Variants in PDLIM1 observed in about 807,000 individuals in gnomAD.
PDLIM1 encodes PDZ and LIM domain protein 1.
In PDLIM1, 25 loss-of-function variants were observed where a neutral mutation model predicts 35.2. That is an observed-to-expected ratio of 0.71 (90% CI 0.52 to 0.99). The LOEUF (loss-of-function observed/expected upper bound fraction) is 0.99, where lower values mean the gene tolerates loss of function less well. Among genes scored for constraint, PDLIM1 ranks in the 50% least tolerant of loss-of-function variants. The probability of loss-of-function intolerance (pLI) is 0.00; values close to 1 mark genes in which losing one functional copy is unlikely to be tolerated. For synonymous variants in PDLIM1, 152 were observed against 154.0 expected, an observed-to-expected ratio of 0.99 and a Z score of 0.10; for missense variants, 363 against 415.3, an observed-to-expected ratio of 0.87 and a Z score of 1.09.
chr10:95,258,815 T>G (rs544607816), intron 4 of PDLIM1, among the ~76,000 whole-genome samples: 1 of 152,206 alleles, frequency 6.6e-6, no homozygotes, highest in Non-Finnish European at 1.5e-5. Context: ...AAATTTCATG[T>G]TTTTTAACAC....
intron 1 of PDLIM1, among the ~76,000 whole-genome samples, chr10:95,284,832 C>T (rs1015863151): frequency 6.6e-6 from 1 of 152,156 alleles, no homozygotes; most frequent in African/African-American, 2.4e-5. Flanking sequence ...ATGGCATTTA[C>T]CAAGGAGACA....
intron 4 of PDLIM1, among the ~76,000 whole-genome samples, chr10:95,257,768 C>T (rs939369677): frequency 6.6e-6 from 1 of 152,128 alleles, no homozygotes; most frequent in South Asian, 2.1e-4. Flanking sequence ...AAAAATTTAC[C>T]ATATGATCCA....
rs928457414 is a variant in PDLIM1, at chr10:95,282,306, G to A, written c.96+8514C>T. 3.9e-5 allele frequency among the ~76,000 whole-genome samples: 6 copies of A among 152,312 alleles called. No individual in the cohort carries two copies. The East Asian group carries it at 7.7e-4, about 20-fold the overall frequency. ...TTCTGACTCAGTATGTTTGTGAGCC[G>A]AGGCTGTGGCACAGACTTCACAGCC... is the stretch of plus-strand genomic sequence containing the variant. On this transcript the variant is annotated intron_variant, in intron 1 of 6. Transcript: ENST00000329399.
rs993740662 is a variant in PDLIM1 at position 95,238,455 on chromosome 10, AG to A, written c.803+112del. ...TCTGGCCTCTCTGTTGCATTTTTCC[AG>A]GAGGGATTTGTCTCCCTCACAAGCA... On this transcript the variant is annotated intron_variant, in intron 6 of 6. Transcript: ENST00000329399. The A allele has an allele frequency of 1.3e-5, 10 of 754,816 alleles. No individual in the cohort carries two copies. The African/African-American group carries it at 1.5e-4, about 12-fold the overall frequency. The allele number at this position is 754,816 out of a possible 1,614,324, so 46.8% of individuals were successfully genotyped here. A position where few individuals can be genotyped will look rare whatever the true frequency, so the allele number is the denominator to read the frequency against.
intron 1 of PDLIM1, among the ~76,000 whole-genome samples, chr10:95,276,344 C>A (rs1260634288): frequency 6.6e-6 from 1 of 152,128 alleles, no homozygotes; most frequent in African/African-American, 2.4e-5. Context: ...TGGCCTTCTA[C>A]ATAGGACCTG....
At position 95,238,056 on chromosome 10, in the gene PDLIM1, T is replaced by C; in HGVS notation, c.859A>G (p.Thr287Ala). Residue 287 changes from threonine (T) to alanine (A), a missense_variant, in exon 7 of 7, where the codon ACT becomes GCT. By Grantham distance (58) the Thr-to-Ala change is moderately conservative. Coordinates refer to ENST00000329399, the MANE Select transcript of PDLIM1 (RefSeq NM_020992.4). ...TGTTTCAGGTTGGTGCCACAGTCAG[T>C]GCACACATAACACTCAGGGTGGCGG... ...RHRHPECYVCTDCGTNLKQKG... is the reference protein window; with the variant it reads ...RHRHPECYVCADCGTNLKQKG... The C allele has an allele frequency of 6.2e-7, 1 of 1,614,102 alleles. No homozygotes were observed. The highest frequency in any genetic ancestry group is 8.5e-7 in the Non-Finnish European group (1 of 1,179,988).
At chr10:95,246,530 C>T (rs1248041487) in intron 5 of PDLIM1, among the ~76,000 whole-genome samples, 2 of 152,292 alleles carry the variant, frequency 1.3e-5, no homozygotes, top group East Asian at 3.9e-4. Context: ...TCAAACACCA[C>T]AATAACTATG....
chr10:95,274,549 G>A (rs910048253), intron 1 of PDLIM1, among the ~76,000 whole-genome samples: 10 of 151,668 alleles, frequency 6.6e-5, no homozygotes, highest in East Asian at 1.9e-4. Flanking sequence ...CACCCACCTC[G>A]GCCTCCCAAA....
At chr10:95,278,616 C>CAA (rs534222559) in intron 1 of PDLIM1, among the ~76,000 whole-genome samples, 71 of 123,252 alleles carry the variant, frequency 5.8e-4, no homozygotes, top group African/African-American at 1.8e-3. Flanking sequence ...TGCCAAGTCT[C>CAA]AAAAAAAAAA....
intron 1 of PDLIM1, among the ~76,000 whole-genome samples, chr10:95,273,799 T>A (rs953977150): frequency 1.3e-5 from 2 of 152,144 alleles, no homozygotes; most frequent in East Asian, 3.8e-4. Context: ...ATCCAGTGCA[T>A]GCAATAAAAA....
chr10:95,262,008 CA>C (rs11344355), intron 4 of PDLIM1, among the ~76,000 whole-genome samples: 47,761 of 119,820 alleles, frequency 0.4, 7,933 homozygotes, highest in Admixed American at 0.45. Flanking sequence ...AACTCCGTCT[CA>C]AAAAAAAAAA....
intron 1 of PDLIM1, among the ~76,000 whole-genome samples, chr10:95,276,896 TAAAAAAAAAA>T (rs61442624): frequency 1.0e-4 from 7 of 68,890 alleles, no homozygotes; most frequent in South Asian, 1.4e-3. Flanking sequence ...TTCAGTTTCC[TAAAAAAAAAA>T]AAAAAAAAAA....
intron 5 of PDLIM1, among the ~76,000 whole-genome samples, chr10:95,246,799 C>T (rs1005005504): frequency 6.6e-6 from 1 of 152,232 alleles, no homozygotes; most frequent in Admixed American, 6.5e-5. Flanking sequence ...TCACCGAGCA[C>T]TAATTCATTC....
chr10:95,271,895 G>T, intron 1 of PDLIM1, 111 bp from the exon 2 acceptor site: 1 of 915,644 alleles, frequency 1.1e-6, no homozygotes, highest in East Asian at 2.7e-5. Flanking sequence ...AGAAAAGAGG[G>T]CTGAAATCAT....
At chr10:95,247,061 C>A (rs548279973) in intron 5 of PDLIM1, among the ~76,000 whole-genome samples, 154 bp downstream of exon 5, 1 of 152,146 alleles carries the variant, frequency 6.6e-6, no homozygotes, top group Non-Finnish European at 1.5e-5. Context: ...CTCTCTCTCT[C>A]TCTCCCTCTA....
chr10:95,239,587 G>A (rs1186499313), intron 5 of PDLIM1, among the ~76,000 whole-genome samples: 1 of 152,164 alleles, frequency 6.6e-6, no homozygotes, highest in African/African-American at 2.4e-5. Flanking sequence ...CCTGAGGTCA[G>A]GAATTTGAGA....
Position 95,238,658 on chromosome 10 carries a change from C to G in PDLIM1, c.713G>C (p.Arg238Thr). 1.2e-6 allele frequency: 2 copies of G among 1,613,724 alleles called. No individual in the cohort carries two copies. Among genetic ancestry groups the G allele is most frequent in the Non-Finnish European group, 8.5e-7 (1 of 1,179,606 alleles). ...TTTAGTGACAGGAGCTTTAACACTT[C>G]TGAATCCTGAGGGCTTGTTGGGATC... ...KGDPNKPSGFRSVKAPVTKVA... is the reference protein window; with the variant it reads ...KGDPNKPSGFTSVKAPVTKVA... The change falls in exon 6 of 7, where the codon AGA becomes ACA. Residue 238 changes from arginine to threonine, a missense_variant. Coordinates refer to ENST00000329399, the MANE Select transcript of PDLIM1 (RefSeq NM_020992.4).
intron 1 of PDLIM1, among the ~76,000 whole-genome samples, chr10:95,287,598 G>A (rs1225780774): frequency 2.6e-5 from 4 of 152,100 alleles, no homozygotes; most frequent in Non-Finnish European, 5.9e-5. Context: ...TGCAATGTTG[G>A]CCTGGGTATT....
At chr10:95,276,187 T>C (rs958834533) in intron 1 of PDLIM1, among the ~76,000 whole-genome samples, 2 of 152,144 alleles carry the variant, frequency 1.3e-5, no homozygotes, top group Admixed American at 1.3e-4. Flanking sequence ...GTGGTTCAAG[T>C]TCACACAGCT....
Sources: allele counts gnomAD v4.1 joint callset (sites outside exome capture counted in the v4.1 genomes callset), GRCh38; gene constraint gnomAD v4.1.1; transcripts MANE v1.5; gene names NCBI Gene and HGNC (gene_info 2026-07-23, HGNC 2026-07-21).